Variants in ZNF804A observed in about 807,000 individuals in gnomAD.
The protein encoded by ZNF804A is zinc finger protein 804A.
In ZNF804A, 2 loss-of-function variants were observed where a neutral mutation model predicts 16.5. The observed-to-expected ratio is 0.12, with a 90% CI of 0.05 to 0.38. ZNF804A has a LOEUF of 0.38. ZNF804A is among the 10% of genes least tolerant of loss of function. The pLI is 0.99. For missense variants in ZNF804A, 1,473 were observed against 1,390.7 expected (o/e 1.06, Z -0.94); for synonymous variants, 534 against 489.6 (o/e 1.09, Z -1.20).
chr2:184,669,701 A>G lies in ZNF804A; in HGVS notation c.111+70631A>G, dbSNP rs557328988. Among the ~76,000 whole-genome samples the G allele has an allele frequency of 3.3e-5, 5 of 152,058 alleles. No individual in the cohort carries two copies. The South Asian group carries it at 1.0e-3, about 31-fold the overall frequency. On this transcript the variant is annotated intron_variant, in intron 1 of 3. Transcript: ENST00000302277. ...GTTTAAAATTACATCAAATATCATT[A>G]AACCATATGTCAGTGATCCTCCTGG...
rs150583514 is a variant in ZNF804A, at chr2:184,627,243, A to G, written c.111+28173A>G. ...CTATCTTGACTTATTTTATTAGTAC[A>G]TAAAATGAATCATAATACAATTGAA... On this transcript the variant is annotated intron_variant, in intron 1 of 3. Transcript: ENST00000302277. 5.7e-3 allele frequency among the ~76,000 whole-genome samples: 869 copies of G among 152,262 alleles called. 13 individuals carry two copies. Among genetic ancestry groups the G allele is most frequent in the African/African-American group, 0.02 (838 of 41,560 alleles).
At chr2:184,912,081 A>G (rs1685367772) in intron 2 of ZNF804A, among the ~76,000 whole-genome samples, 1 of 152,028 alleles carries the variant, frequency 6.6e-6, no homozygotes, top group Non-Finnish European at 1.5e-5. Context: ...TAGTGTGAAC[A>G]CCATCCTTTT....
chr2:184,937,154 T>C lies in ZNF804A; in HGVS notation c.1758T>C (p.His586=), dbSNP rs1685804952. The C allele has an allele frequency of 1.2e-6, 2 of 1,603,994 alleles. No homozygotes were observed. Among genetic ancestry groups the C allele is most frequent in the Non-Finnish European group, 1.7e-6 (2 of 1,177,672 alleles). Residue 586 remains histidine (H), a synonymous_variant, in exon 4 of 4, where the codon CAT becomes CAC. Transcript: ENST00000302277. ...ACAAAATAAGGTTGAAAGAGACCCA[T>C]GAATACTGGTTCCATAAAAGTAGAA... is the stretch of plus-strand genomic sequence containing the variant. ...KYNKIRLKET[H]EYWFHKSRRK...
chr2:184,909,952 A>G (rs1431905407), intron 2 of ZNF804A, among the ~76,000 whole-genome samples: 1 of 151,912 alleles, frequency 6.6e-6, no homozygotes, highest in Admixed American at 6.6e-5. Flanking sequence ...AGTCTCAATA[A>G]TTTCATTTTC....
In ZNF804A at chr2:184,639,890, T is replaced by C. The variant is rs528398733; in HGVS notation, c.111+40820T>C. ...GGGGGCAGGTGCCTGTAGTCCCAGTTACTCGGGAGACTGAGGCAGGAGAAT... is the reference window on the plus strand; with the variant it reads ...GGGGGCAGGTGCCTGTAGTCCCAGTCACTCGGGAGACTGAGGCAGGAGAAT... On this transcript the variant is annotated intron_variant, in intron 1 of 3. Transcript: ENST00000302277. Among the ~76,000 whole-genome samples the C allele has an allele frequency of 6.3e-4, 96 of 152,146 alleles. 1 individual carries two copies. Among genetic ancestry groups the C allele is most frequent in the African/African-American group, 2.2e-3 (93 of 41,532 alleles).
chr2:184,628,182 C>T (rs987743386), intron 1 of ZNF804A, among the ~76,000 whole-genome samples: 11 of 152,090 alleles, frequency 7.2e-5, no homozygotes, highest in Middle Eastern at 3.4e-3. Flanking sequence ...GGCATGGTGG[C>T]GCATGCCTGC....
At position 184,679,231 on chromosome 2, in the gene ZNF804A, A is replaced by T. The variant is rs982565296; in HGVS notation, c.111+80161A>T. Among the ~76,000 whole-genome samples the T allele has an allele frequency of 5.9e-5, 9 of 152,240 alleles. 1 individual carries two copies. The highest frequency in any genetic ancestry group is 1.2e-4 in the Non-Finnish European group (8 of 68,030). ...TATAGATCACTGGGTTAGGTGGAAG[A>T]TGTGGATGATGTTTTCATAATCCAA... is the stretch of plus-strand genomic sequence containing the variant. On this transcript the variant is annotated intron_variant, in intron 1 of 3. Coordinates refer to ENST00000302277, the MANE Select transcript of ZNF804A (RefSeq NM_194250.2).
intron 1 of ZNF804A, among the ~76,000 whole-genome samples, chr2:184,772,410 T>C (rs1694230310): frequency 6.6e-6 from 1 of 152,046 alleles, no homozygotes; most frequent in Non-Finnish European, 1.5e-5. Flanking sequence ...GTGACTTGCT[T>C]CTTTCATTTA....
At chr2:184,777,757 T>A (rs1488446955) in intron 1 of ZNF804A, among the ~76,000 whole-genome samples, 8 of 151,670 alleles carry the variant, frequency 5.3e-5, no homozygotes, top group Non-Finnish European at 1.5e-5. Context: ...TTTCATGAAA[T>A]GTGTTTAGTG....
At chr2:184,685,906 C>A (rs1270238065) in intron 1 of ZNF804A, among the ~76,000 whole-genome samples, 3 of 152,224 alleles carry the variant, frequency 2.0e-5, no homozygotes, top group Non-Finnish European at 4.4e-5. Context: ...CCAAGGGGTG[C>A]CTGCAGGCCT....
chr2:184,808,154 C>A (rs1481701127), intron 1 of ZNF804A, among the ~76,000 whole-genome samples: 1 of 151,518 alleles, frequency 6.6e-6, no homozygotes, highest in East Asian at 1.9e-4. Context: ...TTTATTTACA[C>A]ATTACAGAAA....
chr2:184,836,142 A>G (rs1053725487), intron 1 of ZNF804A, among the ~76,000 whole-genome samples: 2 of 152,182 alleles, frequency 1.3e-5, no homozygotes, highest in African/African-American at 4.8e-5. Flanking sequence ...AGAAATGCCT[A>G]GCATGGTGCT....
chr2:184,935,117 A>C (rs1283315544), intron 3 of ZNF804A, among the ~76,000 whole-genome samples: 1 of 152,148 alleles, frequency 6.6e-6, no homozygotes, highest in Non-Finnish European at 1.5e-5. Flanking sequence ...ATGTAATTCC[A>C]AATAAGTTAT....
chr2:184,907,974 C>T (rs1161784970), intron 2 of ZNF804A, among the ~76,000 whole-genome samples: 1 of 151,958 alleles, frequency 6.6e-6, no homozygotes, highest in African/African-American at 2.4e-5. Context: ...ACACTTAAAC[C>T]TATTCTCCTT....
intron 1 of ZNF804A, among the ~76,000 whole-genome samples, chr2:184,699,744 A>G (rs577956671): frequency 3.9e-5 from 6 of 152,242 alleles, no homozygotes; most frequent in African/African-American, 1.2e-4. Context: ...TGAAACCTCA[A>G]TGTTTAATGC....
intron 1 of ZNF804A, among the ~76,000 whole-genome samples, chr2:184,712,216 T>C (rs935849305): frequency 6.6e-6 from 1 of 151,784 alleles, no homozygotes; most frequent in Non-Finnish European, 1.5e-5. Context: ...AGTTAATTCT[T>C]TTTGATGATA....
chr2:184,839,962 C>T (rs1695410537), intron 1 of ZNF804A, among the ~76,000 whole-genome samples: 1 of 152,104 alleles, frequency 6.6e-6, no homozygotes, highest in Non-Finnish European at 1.5e-5. Context: ...TGTCCATGAA[C>T]TTAATATCTA....
At chr2:184,927,982 G>C (rs978026223) in intron 2 of ZNF804A, among the ~76,000 whole-genome samples, 1 of 152,074 alleles carries the variant, frequency 6.6e-6, no homozygotes, top group South Asian at 2.1e-4. Flanking sequence ...CCCTGTGGCA[G>C]AGCTTGTAGC....
chr2:184,729,475 A>G (rs1466609556), intron 1 of ZNF804A, among the ~76,000 whole-genome samples: 3 of 152,002 alleles, frequency 2.0e-5, no homozygotes, highest in Admixed American at 6.6e-5. Context: ...TTTCAAATCA[A>G]TCAGTTGGTT....
Sources: allele counts gnomAD v4.1 joint callset (sites outside exome capture counted in the v4.1 genomes callset), GRCh38; gene constraint gnomAD v4.1.1; transcripts MANE v1.5; gene names NCBI Gene and HGNC (gene_info 2026-07-23, HGNC 2026-07-21).